Variants in SYMPK observed in about 807,000 individuals in gnomAD.
SYMPK encodes the protein symplekin scaffold protein.
In SYMPK, 49 loss-of-function variants were observed where a neutral mutation model predicts 136.4. The observed-to-expected ratio is 0.36, with a 90% CI of 0.29 to 0.46. The LOEUF (loss-of-function observed/expected upper bound fraction) is 0.46, where lower values mean the gene tolerates loss of function less well. Ranked by LOEUF, SYMPK falls within the 20% of genes least tolerant of loss-of-function variation. The pLI, the probability that SYMPK is intolerant of heterozygous loss-of-function variation, is 1.00. For synonymous variants in SYMPK, 766 were observed against 713.0 expected (o/e 1.07, Z -1.19); for missense variants, 1,365 against 1,690.0 (o/e 0.81, Z 3.37).
chr19:45,853,128 TG>T (rs1321903950), intron 3 of SYMPK, among the ~76,000 whole-genome samples: 2 of 152,104 alleles, frequency 1.3e-5, no homozygotes, highest in African/African-American at 2.4e-5. Flanking sequence ...TGACCACCCA[TG>T]GGGGAGGCAC....
At position 45,818,013 on chromosome 19, in the gene SYMPK, G is replaced by A; in HGVS notation, c.3027C>T (p.Tyr1009=). The change falls in exon 23 of 27, where the codon TAC becomes TAT. Residue 1009 remains tyrosine, a synonymous_variant. Transcript: ENST00000245934. The part of the protein sequence containing the change: ...MRTVIQSLTM[Y]PRLGGFVMNI... ...TCATGACGAAGCCCCCCAGGCGGGGGTACATGGTCAGGGACTGGATGACGG... is the reference window on the plus strand; with the variant it reads ...TCATGACGAAGCCCCCCAGGCGGGGATACATGGTCAGGGACTGGATGACGG... 2 of 1,580,958 alleles carry A rather than the reference G, an allele frequency of 1.3e-6. No homozygotes were observed. Among genetic ancestry groups the A allele is most frequent in the Non-Finnish European group, 1.7e-6 (2 of 1,163,114 alleles).
rs115598866 is a variant in SYMPK, at chr19:45,852,574, A to G, written c.172-39T>C. On this transcript the variant is annotated intron_variant, in intron 3 of 26. Transcript: ENST00000245934. Reference sequence around the variant, plus strand: ...GGGGGTGGGGAGGAGGAATACCCATATAAAACGAGGGGCCAATCAATGCAG... The same window carrying G: ...GGGGGTGGGGAGGAGGAATACCCATGTAAAACGAGGGGCCAATCAATGCAG... 5.5e-4 allele frequency: 883 copies of G among 1,612,658 alleles called. 5 individuals are homozygous for G. In the African/African-American group the frequency reaches 0.011, roughly 20 times the overall value.
rs1971042248 is a variant in SYMPK at position 45,826,296 on chromosome 19, G to A, written c.2259C>T (p.Ala753=). The A allele has an allele frequency of 1.2e-6, 2 of 1,613,996 alleles. No homozygotes were observed. Among genetic ancestry groups the A allele is most frequent in the South Asian group, 2.2e-5 (2 of 91,022 alleles). Residue 753 remains alanine, a synonymous_variant, in exon 17 of 27, where the codon GCC becomes GCT. Transcript: ENST00000245934. Reference sequence around the variant, plus strand: ...GCACCAGGAGCTGCAGGTAGTTGAGGGCAAATTTCTCCACATACTCCCGCA... The same window carrying A: ...GCACCAGGAGCTGCAGGTAGTTGAGAGCAAATTTCTCCACATACTCCCGCA... The part of the protein sequence containing the change: ...EQLREYVEKF[A]LNYLQLLVHP...
intron 5 of SYMPK, 35 bp downstream of exon 5, chr19:45,852,277 A>C: frequency 6.2e-7 from 1 of 1,613,568 alleles, no homozygotes; most frequent in Non-Finnish European, 8.5e-7. Context: ...GCCACCAGTG[A>C]GAATGCTCCC....
chr19:45,822,978 C>CA (rs1445577773), intron 20 of SYMPK, 132 bp from the exon 21 acceptor site: 4 of 720,462 alleles, frequency 5.6e-6, no homozygotes, highest in African/African-American at 3.5e-5. Context: ...CTCCTACCCT[C>CA]ACCACACCCT....
intron 1 of SYMPK, among the ~76,000 whole-genome samples, chr19:45,861,446 A>G (rs1287389800): frequency 2.6e-5 from 4 of 152,252 alleles, no homozygotes; most frequent in African/African-American, 9.6e-5. Context: ...ATTTACAAAA[A>G]GAGCATACAC....
rs1568605965 is a variant in SYMPK, at chr19:45,817,417, C to CTCTTTTT, written c.3082-444_3082-443insAAAAAGA. Among the ~76,000 whole-genome samples, 219 of 108,464 alleles carry CTCTTTTT rather than the reference C, an allele frequency of 2.0e-3. 1 individual carries two copies. Among genetic ancestry groups the CTCTTTTT allele is most frequent in the Middle Eastern group, 0.012 (2 of 170 alleles). The allele number at this position is 108,464 out of a possible 152,430, so 71.2% of individuals were successfully genotyped here. On this transcript the variant is annotated intron_variant, in intron 23 of 26. Coordinates refer to ENST00000245934, the MANE Select transcript of SYMPK (RefSeq NM_004819.3). The stretch of plus-strand genomic sequence containing the variant: ...CTGCGGGGTTTGGTTTTTTTGTTCT[C>CTCTTTTT]TTTTTTTTTTTTTTTTTTTTTTTTT...
chr19:45,842,207 T>C (rs757841980), intron 9 of SYMPK, 43 bp downstream of exon 9: 16 of 1,611,510 alleles, frequency 9.9e-6, no homozygotes, highest in Non-Finnish European at 1.4e-5. Flanking sequence ...TAATGAAACA[T>C]TTCAGCATGG....
Position 45,821,044 on chromosome 19 carries a change from G to A in SYMPK, c.2893+340C>T, listed in dbSNP as rs888311100. ...CTGCTGCTGCGCCTCTACCACTCAC[G>A]GTGTGCCCTGCTTCCTTCTGTTCCT... On this transcript the variant is annotated intron_variant, in intron 22 of 26. Coordinates refer to ENST00000245934, the MANE Select transcript of SYMPK (RefSeq NM_004819.3). This position sits in a 1 kb window ranked among gnomAD's most constrained non-coding sequence, Gnocchi z 4.4. 5 of 615,448 alleles carry A rather than the reference G, an allele frequency of 8.1e-6. No homozygotes were observed. Among genetic ancestry groups the A allele is most frequent in the East Asian group, 2.8e-5 (1 of 36,128 alleles). 38.1% of individuals were successfully genotyped at this position (615,448 alleles called of 1,614,324 possible).
intron 9 of SYMPK, among the ~76,000 whole-genome samples, chr19:45,839,416 T>C (rs1375987329): frequency 6.6e-6 from 1 of 152,158 alleles, no homozygotes; most frequent in African/African-American, 2.4e-5. Flanking sequence ...TCAAAACAAA[T>C]TCCTGATAGT....
intron 11 of SYMPK, among the ~76,000 whole-genome samples, chr19:45,833,942 G>C (rs1388252233): frequency 6.6e-6 from 1 of 152,138 alleles, no homozygotes; most frequent in East Asian, 1.9e-4. Flanking sequence ...ACAAGGTCAG[G>C]AGATTGAGAC....
intron 16 of SYMPK, 76 bp downstream of exon 16, chr19:45,827,423 TGGAAGACGTGG>T: frequency 1.2e-6 from 1 of 867,368 alleles, no homozygotes; most frequent in Non-Finnish European, 1.9e-6. Flanking sequence ...CAAGGGAGTG[TGGAAGACGTGG>T]GCTGGTTACT....
At chr19:45,822,707 C>G in intron 21 of SYMPK, 49 bp downstream of exon 21, 1 of 1,548,490 alleles carries the variant, frequency 6.5e-7, no homozygotes, top group Non-Finnish European at 8.9e-7. Flanking sequence ...TCTGCCCCAG[C>G]ACCTGGGGTG....
chr19:45,838,542 C>A lies in SYMPK; in HGVS notation c.1161G>T (p.Ala387=), dbSNP rs143619467. The A allele has an allele frequency of 3.1e-6, 5 of 1,614,042 alleles. No individual in the cohort carries two copies. The highest frequency in any genetic ancestry group is 2.5e-6 in the Non-Finnish European group (3 of 1,180,028). Residue 387 remains alanine, a synonymous_variant, in exon 10 of 27, where the codon GCG becomes GCT. Coordinates refer to ENST00000245934, the MANE Select transcript of SYMPK (RefSeq NM_004819.3). ...PGPSGTSKAS[A]QISGQSDTDI... ...CCGTGTCTGACTGGCCGGAGATCTG[C>A]GCTGAGGCCTTCGAGGTCCCCGACG...
intron 9 of SYMPK, among the ~76,000 whole-genome samples, chr19:45,839,367 T>C (rs1048215347): frequency 1.3e-5 from 2 of 151,816 alleles, no homozygotes; most frequent in Admixed American, 1.3e-4. Flanking sequence ...ACAAGAGGAG[T>C]CTAGAACATC....
chr19:45,816,607 G>C, intron 24 of SYMPK, 30 bp from the exon 25 acceptor site: 1 of 1,612,426 alleles, frequency 6.2e-7, no homozygotes. Context: ...GGGGCGCTGG[G>C]GGCAGCTCTG....
intron 11 of SYMPK, among the ~76,000 whole-genome samples, chr19:45,833,417 C>T (rs1421326843): frequency 5.3e-5 from 8 of 151,906 alleles, no homozygotes; most frequent in African/African-American, 1.2e-4. Context: ...CTGGCTAACA[C>T]GGTGAAACCC....
At chr19:45,815,790 C>A in intron 26 of SYMPK, 61 bp downstream of exon 26, 1 of 1,590,502 alleles carries the variant, frequency 6.3e-7, no homozygotes, top group East Asian at 2.3e-5. Context: ...CCCCTCCTCC[C>A]CCACCTTCAC....
At chr19:45,820,983 C>T in intron 22 of SYMPK, 1 of 591,356 alleles carries the variant, frequency 1.7e-6, no homozygotes, top group Non-Finnish European at 3.0e-6. Flanking sequence ...CCTCACCTAC[C>T]CTGGCCCACA....
Sources: allele counts gnomAD v4.1 joint callset (sites outside exome capture counted in the v4.1 genomes callset), GRCh38; gene constraint gnomAD v4.1.1; non-coding constraint Gnocchi (gnomAD v3.1); transcripts MANE v1.5; gene names NCBI Gene and HGNC (gene_info 2026-07-23, HGNC 2026-07-21).